The following CHD1L variants were observed in gnomAD, a reference collection of about 807,000 sequenced individuals.
CHD1L encodes the protein ATP-dependent chromatin remodeler CHD1L.
CHD1L carries 118 observed loss-of-function variants against 115.9 expected under a neutral mutation model. That is an observed-to-expected ratio of 1.02 (90% CI 0.88 to 1.19). The LOEUF (loss-of-function observed/expected upper bound fraction) is 1.19, where lower values mean the gene tolerates loss of function less well. CHD1L is among the 50% of genes most tolerant of loss of function. The pLI is 0.00. For missense variants in CHD1L, 1,179 were observed against 1,065.3 expected (o/e 1.11, Z -1.49); for synonymous variants, 411 against 387.1 (o/e 1.06, Z -0.72).
At chr1:147,211,976 T>C in the CHD1L span, among the ~76,000 whole-genome samples, 1 of 152,260 alleles carries the variant, frequency 6.6e-6, no homozygotes, top group African/African-American at 2.4e-5. Context: ...AAGTTTCCAA[T>C]GATCACGCGT....
chr1:147,288,864 T>C (rs781907263), intron 19 of CHD1L, among the ~76,000 whole-genome samples: 3 of 152,120 alleles, frequency 2.0e-5, no homozygotes, highest in Admixed American at 2.0e-4. Flanking sequence ...AATATTGTCC[T>C]TTGGCACAGA....
At chr1:147,237,673 C>T (rs1553930100), upstream of CHD1L, among the ~76,000 whole-genome samples, 1 of 152,180 alleles carries the variant, frequency 6.6e-6, no homozygotes, top group East Asian at 1.9e-4. Flanking sequence ...CCGTCACTGC[C>T]ATCAATATGT....
At chr1:147,232,063 A>T in the CHD1L span, among the ~76,000 whole-genome samples, 1 of 152,204 alleles carries the variant, frequency 6.6e-6, no homozygotes, top group Admixed American at 6.5e-5. Flanking sequence ...CTATTCAGCC[A>T]TCTTGGCTCC....
intron 18 of CHD1L, among the ~76,000 whole-genome samples, chr1:147,286,875 C>T (rs1486569722): frequency 3.3e-5 from 5 of 152,168 alleles, no homozygotes; most frequent in Non-Finnish European, 7.3e-5. Context: ...ACTTCATCTG[C>T]CTAAAACCCT....
intron 8 of CHD1L, among the ~76,000 whole-genome samples, chr1:147,266,606 G>A (rs1293503630): frequency 6.6e-6 from 1 of 152,166 alleles, no homozygotes; most frequent in African/African-American, 2.4e-5. Flanking sequence ...AGCCTGCTCT[G>A]TCATCAGTCC....
chr1:147,242,941 C>T lies in CHD1L; in HGVS notation c.127+111C>T. 4 of 1,166,380 alleles carry T rather than the reference C, an allele frequency of 3.4e-6. No individual in the cohort carries two copies. In the South Asian group the frequency reaches 1.8e-4, roughly 52 times the overall value. The allele number at this position is 1,166,380 out of a possible 1,614,324, so 72.3% of individuals were successfully genotyped here. On this transcript the variant is annotated intron_variant, in intron 1 of 22. Coordinates refer to ENST00000369258, the MANE Select transcript of CHD1L (RefSeq NM_004284.6). ...GCCCGGTGGGCAGTTTACCCGCTCGCGCCAGGGCCTTCCTTCGCTCCTGCC... is the reference window on the plus strand; with the variant it reads ...GCCCGGTGGGCAGTTTACCCGCTCGTGCCAGGGCCTTCCTTCGCTCCTGCC...
chr1:147,241,250 G>A (rs921662381), upstream of CHD1L, among the ~76,000 whole-genome samples: 6 of 152,094 alleles, frequency 3.9e-5, no homozygotes, highest in Non-Finnish European at 5.9e-5. Flanking sequence ...ACATCCAGAT[G>A]GCTGGTTCCT....
chr1:147,227,963 G>A, the CHD1L span, among the ~76,000 whole-genome samples: 2 of 151,284 alleles, frequency 1.3e-5, no homozygotes, highest in Non-Finnish European at 2.9e-5. Context: ...CCAGGCTGGA[G>A]TGCAAGTGGT....
upstream of CHD1L, among the ~76,000 whole-genome samples, chr1:147,240,755 G>A (rs587730439): frequency 3.3e-5 from 5 of 152,268 alleles, no homozygotes; most frequent in South Asian, 1.0e-3. Flanking sequence ...CACATCAAAA[G>A]CACAGGACTT....
At chr1:147,204,522 T>C in the CHD1L span, 3 of 1,568,864 alleles carry the variant, frequency 1.9e-6, no homozygotes, top group Non-Finnish European at 2.6e-6. Context: ...CATGAGCTTT[T>C]CTGCAAGCTA....
chr1:147,238,623 G>A (rs1664664301), upstream of CHD1L, among the ~76,000 whole-genome samples: 1 of 152,122 alleles, frequency 6.6e-6, no homozygotes, highest in African/African-American at 2.4e-5. Flanking sequence ...AGTTAATCAC[G>A]ACTCACAGAA....
chr1:147,280,232 C>T (rs782156458), intron 15 of CHD1L, 41 bp downstream of exon 15: 1 of 1,516,020 alleles, frequency 6.6e-7, no homozygotes, highest in African/African-American at 1.4e-5. Flanking sequence ...CACAACCACC[C>T]CAAGCTAGAG....
At chr1:147,192,334 C>A in the CHD1L span, among the ~76,000 whole-genome samples, 5,540 of 151,752 alleles carry the variant, frequency 0.037, 153 homozygotes, top group South Asian at 0.094. Flanking sequence ...GTGTATAAGA[C>A]TGCTTGTGAT....
chr1:147,243,927 A>C (rs1170420431), intron 1 of CHD1L, among the ~76,000 whole-genome samples: 2 of 152,232 alleles, frequency 1.3e-5, no homozygotes, highest in African/African-American at 4.8e-5. Flanking sequence ...TTCAGCTTAG[A>C]AGACTGAAAG....
At chr1:147,196,291 C>T in the CHD1L span, among the ~76,000 whole-genome samples, 5,617 of 152,126 alleles carry the variant, frequency 0.037, 156 homozygotes, top group South Asian at 0.096. Flanking sequence ...TATTATTTAT[C>T]ATCATAAATC....
At chr1:147,244,945 C>T (rs1666110437) in intron 1 of CHD1L, among the ~76,000 whole-genome samples, 1 of 152,116 alleles carries the variant, frequency 6.6e-6, no homozygotes, top group Non-Finnish European at 1.5e-5. Context: ...CTCAGCAACA[C>T]TGGTATTTTC....
At chr1:147,274,091 C>T (rs1430654544) in intron 12 of CHD1L, among the ~76,000 whole-genome samples, 5 of 152,170 alleles carry the variant, frequency 3.3e-5, no homozygotes, top group Admixed American at 2.0e-4. Flanking sequence ...TGGATAAAAG[C>T]ACGGGCTCTG....
chr1:147,279,029 C>A (rs1194980257), intron 14 of CHD1L, among the ~76,000 whole-genome samples: 2 of 152,146 alleles, frequency 1.3e-5, no homozygotes, highest in Non-Finnish European at 2.9e-5. Flanking sequence ...CAATTCTTAT[C>A]ATAAATAGTT....
In CHD1L at chr1:147,263,859, T is replaced by G. The variant is rs587646044; in HGVS notation, c.577-563T>G. Among the ~76,000 whole-genome samples, 13 of 152,076 alleles carry G rather than the reference T, an allele frequency of 8.5e-5. No homozygotes were observed. In the East Asian group the frequency reaches 2.5e-3, roughly 29 times the overall value. ...TTTGTTGTTGAAAATTTAAGGAAAT[T>G]TTTTTTCCATTTAAGATTCTCTGTG... On this transcript the variant is annotated intron_variant, in intron 6 of 22. Coordinates refer to ENST00000369258, the MANE Select transcript of CHD1L (RefSeq NM_004284.6).
Sources: gnomAD v4.1 joint callset for allele counts (sites outside exome capture counted in the v4.1 genomes callset) on GRCh38, gnomAD v4.1.1 for gene constraint, MANE v1.5 for transcripts, NCBI Gene and HGNC (gene_info 2026-07-23, HGNC 2026-07-21) for gene names.